Variants in RAB23 observed in about 807,000 individuals in gnomAD.
RAB23 encodes the protein RAB23, member RAS oncogene family.
RAB23 carries 15 observed loss-of-function variants against 30.0 expected under a neutral mutation model. The observed-to-expected ratio is 0.50, with a 90% confidence interval of 0.33 to 0.77. RAB23 has a LOEUF of 0.77. Ranked by LOEUF, RAB23 falls within the 30% of genes least tolerant of loss-of-function variation. The pLI is 0.02. For synonymous variants in RAB23, 93 were observed against 94.0 expected (o/e 0.99, Z 0.06); for missense variants, 243 against 275.4 (o/e 0.88, Z 0.83).
intron 3 of RAB23, among the ~76,000 whole-genome samples, chr6:57,198,283 A>G (rs1251595551): frequency 6.6e-6 from 1 of 152,184 alleles, no homozygotes; most frequent in African/African-American, 2.4e-5. Context: ...ATATTTTAAG[A>G]AACTGTGGAT....
At chr6:57,210,075 T>C (rs990633018) in intron 2 of RAB23, 151 bp downstream of exon 2, 1 of 764,350 alleles carries the variant, frequency 1.3e-6, no homozygotes, top group Non-Finnish European at 2.2e-6. Flanking sequence ...TAAAGTTACA[T>C]ATGTCATGAA....
In RAB23 at chr6:57,222,260, G is replaced by C. The variant is rs896229998; in HGVS notation, c.-600C>G. ...AGCTCCGCCGGGGGTGGTGGGGCGC[G>C]GGAGTCTCGACTCCCCTCATCTGTG... is the stretch of plus-strand genomic sequence containing the variant. On this transcript the variant is annotated 5_prime_UTR_variant, in exon 1 of 7. Coordinates refer to ENST00000468148, the MANE Select transcript of RAB23 (RefSeq NM_016277.5). 1 of 152,540 alleles carries C rather than the reference G, an allele frequency of 6.6e-6. No homozygotes were observed. The highest frequency in any genetic ancestry group is 2.4e-5 in the African/African-American group (1 of 41,462). 9.4% of individuals were successfully genotyped at this position (152,540 alleles called of 1,614,324 possible).
At chr6:57,211,492 G>A (rs1025197782) in intron 1 of RAB23, among the ~76,000 whole-genome samples, 17 of 151,888 alleles carry the variant, frequency 1.1e-4, no homozygotes, top group Non-Finnish European at 5.9e-5. Flanking sequence ...AAAAAAAATT[G>A]TAAATCCTCC....
chr6:57,213,234 T>TCG (rs1395030184), intron 1 of RAB23, among the ~76,000 whole-genome samples: 3 of 152,148 alleles, frequency 2.0e-5, no homozygotes, highest in Non-Finnish European at 2.9e-5. Flanking sequence ...GCGGTAATGC[T>TCG]CGCAGCCACT....
At position 57,188,341 on chromosome 6, in the gene RAB23, GCTCT is replaced by G. The variant is rs1009947942; in HGVS notation, c.*2116_*2119del. 5.3e-5 allele frequency: 8 copies of G among 151,966 alleles called. No homozygotes were observed. The highest frequency in any genetic ancestry group is 1.0e-4 in the Non-Finnish European group (7 of 67,976). 9.4% of individuals were successfully genotyped at this position (151,966 alleles called of 1,614,324 possible). A position where few individuals can be genotyped will look rare whatever the true frequency, so the allele number is the denominator to read the frequency against. On this transcript the variant is annotated 3_prime_UTR_variant, in exon 7 of 7. Transcript: ENST00000468148. The stretch of plus-strand genomic sequence containing the variant: ...ATTAAAAATTCAAATATGTAACAAA[GCTCT>G]CTCTTCAGTTCTTATTTAAAAAAAG...
intron 1 of RAB23, among the ~76,000 whole-genome samples, chr6:57,212,964 C>A (rs751789537): frequency 1.1e-4 from 17 of 151,952 alleles, no homozygotes; most frequent in Non-Finnish European, 2.1e-4. Flanking sequence ...TGGTCTAGGG[C>A]AGTGGTTCCC....
At chr6:57,201,757 C>T (rs1015125680) in intron 3 of RAB23, among the ~76,000 whole-genome samples, 1 of 152,110 alleles carries the variant, frequency 6.6e-6, no homozygotes, top group African/African-American at 2.4e-5. Context: ...TTTTCCTCTC[C>T]TACAAACCAA....
At chr6:57,196,728 A>T (rs1765036888) in intron 3 of RAB23, 122 bp from the exon 4 acceptor site, 1 of 1,174,944 alleles carries the variant, frequency 8.5e-7, no homozygotes, top group Non-Finnish European at 1.2e-6. Context: ...AACAACTTTT[A>T]TGTAAATAAA....
chr6:57,217,381 G>C (rs1020429264), intron 1 of RAB23, among the ~76,000 whole-genome samples: 3 of 152,030 alleles, frequency 2.0e-5, no homozygotes, highest in African/African-American at 7.2e-5. Flanking sequence ...GCCTGATCTC[G>C]GCTCACCGCA....
intron 2 of RAB23, among the ~76,000 whole-genome samples, chr6:57,208,983 A>T (rs1482105933): frequency 3.3e-5 from 5 of 152,174 alleles, no homozygotes; most frequent in Non-Finnish European, 7.3e-5. Flanking sequence ...CTTATCTAAC[A>T]TATTTATTTT....
At chr6:57,197,429 T>C (rs541475609) in intron 3 of RAB23, among the ~76,000 whole-genome samples, 5 of 152,308 alleles carry the variant, frequency 3.3e-5, no homozygotes, top group African/African-American at 1.2e-4. Flanking sequence ...AGCATGGTGA[T>C]AAAAGCAGGC....
At position 57,190,180 on chromosome 6, in the gene RAB23, C is replaced by T. The variant is rs143892558; in HGVS notation, c.*281G>A. On this transcript the variant is annotated 3_prime_UTR_variant, in exon 7 of 7. Coordinates refer to ENST00000468148, the MANE Select transcript of RAB23 (RefSeq NM_016277.5). ...TTATGTTTTCCAGCATTTAAAATTC[C>T]GCAAAACCTGTGTTTGAAATTTCTT... 1.9e-4 allele frequency: 67 copies of T among 356,082 alleles called. No individual in the cohort carries two copies. Among genetic ancestry groups the T allele is most frequent in the African/African-American group, 1.0e-3 (49 of 48,200 alleles). 22.1% of individuals were successfully genotyped at this position (356,082 alleles called of 1,614,324 possible).
At chr6:57,191,296 T>A (rs1593204781) in intron 6 of RAB23, among the ~76,000 whole-genome samples, 1 of 152,298 alleles carries the variant, frequency 6.6e-6, no homozygotes. Flanking sequence ...TTACTTTTCC[T>A]ACTTATCCTT....
At position 57,189,207 on chromosome 6, in the gene RAB23, A is replaced by C. The variant is rs1296200981; in HGVS notation, c.*1254T>G. 6.6e-6 allele frequency: 1 copy of C among 152,220 alleles called. No individual in the cohort carries two copies. Among genetic ancestry groups the C allele is most frequent in the Non-Finnish European group, 1.5e-5 (1 of 68,040 alleles). The allele number at this position is 152,220 out of a possible 1,614,324, so 9.4% of individuals were successfully genotyped here. ...ATTAAATCATTTTGTAAAAGAAATG[A>C]TTCTGTATGTGGGACTGACAGCTCT... On this transcript the variant is annotated 3_prime_UTR_variant, in exon 7 of 7. Coordinates refer to ENST00000468148, the MANE Select transcript of RAB23 (RefSeq NM_016277.5).
Position 57,210,240 on chromosome 6 carries a change from C to CT in RAB23, c.140_141insA (p.Glu48GlyfsTer7). ...CAAGTACTTACTGAATTTGTCGCTC[C>CT]AAAAAATCAACTCCAATGGTTTTCT... On this transcript the variant is annotated frameshift_variant, in exon 2 of 7. Transcript: ENST00000468148. LOFTEE classifies it high-confidence loss of function. The CT allele has an allele frequency of 1.2e-6, 2 of 1,613,990 alleles. No individual in the cohort carries two copies. The highest frequency in any genetic ancestry group is 1.7e-6 in the Non-Finnish European group (2 of 1,179,900).
intron 1 of RAB23, among the ~76,000 whole-genome samples, chr6:57,217,681 C>CT (rs1765902204): frequency 6.6e-6 from 1 of 151,952 alleles, no homozygotes; most frequent in African/African-American, 2.4e-5. Flanking sequence ...AATCTAAGCA[C>CT]TCACCTCAAG....
At position 57,190,471 on chromosome 6, in the gene RAB23, C is replaced by A. The variant is rs1764796044; in HGVS notation, c.704G>T (p.Ser235Ile). 6.2e-7 allele frequency: 1 copy of A among 1,614,052 alleles called. No homozygotes were observed. The change falls in exon 7 of 7, where the codon AGC becomes ATC. Residue 235 changes from serine to isoleucine, a missense_variant. By Grantham distance (142) the Ser-to-Ile change is moderately radical. Transcript: ENST00000468148. ...TCCTCCCAAAACATCTTAGGGTATG[C>A]TACAGCTGCTAAAAGGATTTCTGTT... ...KKNRNPFSSCSIP is the reference protein window; with the variant it reads ...KKNRNPFSSCIIP
intron 1 of RAB23, among the ~76,000 whole-genome samples, chr6:57,214,737 T>C (rs1372162742): frequency 6.6e-6 from 1 of 152,146 alleles, no homozygotes; most frequent in Non-Finnish European, 1.5e-5. Flanking sequence ...GAGAATGTAA[T>C]GAGACCAGAG....
At chr6:57,204,557 A>C (rs1765385587) in intron 3 of RAB23, among the ~76,000 whole-genome samples, 1 of 152,144 alleles carries the variant, frequency 6.6e-6, no homozygotes, top group Non-Finnish European at 1.5e-5. Flanking sequence ...GTTGTTTGGG[A>C]CTGTTTAGTA....
Sources: allele counts gnomAD v4.1 joint callset (sites outside exome capture counted in the v4.1 genomes callset), GRCh38; gene constraint gnomAD v4.1.1; transcripts MANE v1.5; gene names NCBI Gene and HGNC (gene_info 2026-07-23, HGNC 2026-07-21).